FAM53A: variants seen among roughly 807,000 people sequenced by gnomAD.
FAM53A encodes the protein protein FAM53A.
FAM53A carries 28 observed loss-of-function variants against 26.6 expected under a neutral mutation model. That is an observed-to-expected ratio of 1.05 (90% confidence interval 0.78 to 1.45). FAM53A has a LOEUF of 1.45. FAM53A is among the 40% of genes most tolerant of loss of function. The pLI is 0.00. For synonymous variants in FAM53A, 290 were observed against 253.1 expected, an observed-to-expected ratio of 1.15 and a Z score of -1.38; for missense variants, 650 against 575.8, an observed-to-expected ratio of 1.13 and a Z score of -1.32.
At chr4:1,629,086 G>T (rs1715493189) in intron 1 of FAM53A, among the ~76,000 whole-genome samples, 1 of 151,964 alleles carries the variant, frequency 6.6e-6, no homozygotes, top group South Asian at 2.1e-4. Context: ...CTGCGTTGGG[G>T]GACAGCACCT....
downstream of FAM53A, among the ~76,000 whole-genome samples, chr4:1,639,551 G>A (rs934859721): frequency 2.0e-5 from 3 of 152,126 alleles, no homozygotes; most frequent in Admixed American, 6.5e-5. Context: ...TCCTGACCCC[G>A]GGCCAGCACA....
At chr4:1,588,382 G>T in the FAM53A span, among the ~76,000 whole-genome samples, 17 of 152,236 alleles carry the variant, frequency 1.1e-4, no homozygotes, top group African/African-American at 3.9e-4. Context: ...TGTGGGCTGT[G>T]CTTAGTGATC....
chr4:1,650,103 TTGAC>T (rs1372009574), intron 4 of FAM53A, among the ~76,000 whole-genome samples: 2 of 130,534 alleles, frequency 1.5e-5, no homozygotes, highest in African/African-American at 3.0e-5. Flanking sequence ...GGCGTGGCGT[TTGAC>T]TGTGAGGTGG....
chr4:1,682,184 TAACA>T (rs1715484641), intron 1 of FAM53A, among the ~76,000 whole-genome samples: 1 of 152,126 alleles, frequency 6.6e-6, no homozygotes, highest in South Asian at 2.1e-4. Context: ...AACAAATGCT[TAACA>T]GATTGTGAAA....
the FAM53A span, among the ~76,000 whole-genome samples, chr4:1,605,440 C>T: frequency 6.6e-6 from 1 of 152,182 alleles, no homozygotes; most frequent in Admixed American, 6.5e-5. The surrounding 1 kb of genome is among the most constrained non-coding windows in gnomAD (Gnocchi z 5.7). Flanking sequence ...GGACCCTGCA[C>T]CCAGCTTCCA....
intron 4 of FAM53A, among the ~76,000 whole-genome samples, chr4:1,649,867 C>T (rs888215122): frequency 1.3e-5 from 2 of 151,928 alleles, no homozygotes; most frequent in Admixed American, 6.5e-5. Context: ...TGAGGTGGCA[C>T]AGGCGTGGTG....
chr4:1,649,609 A>T (rs970063899), intron 4 of FAM53A, among the ~76,000 whole-genome samples: 1 of 152,250 alleles, frequency 6.6e-6, no homozygotes, highest in African/African-American at 2.4e-5. Flanking sequence ...TCAAGCTGCC[A>T]CATCGTGAAC....
chr4:1,646,957 A>G (rs1461450144), intron 4 of FAM53A, among the ~76,000 whole-genome samples: 1 of 152,250 alleles, frequency 6.6e-6, no homozygotes, highest in Non-Finnish European at 1.5e-5. Flanking sequence ...TGCTGGAACC[A>G]TAACTGATGT....
chr4:1,597,203 C>T, the FAM53A span, among the ~76,000 whole-genome samples: 6 of 140,286 alleles, frequency 4.3e-5, no homozygotes, highest in African/African-American at 1.4e-4. Flanking sequence ...AGCCAGACAT[C>T]GGCAGGGCCC....
intron 1 of FAM53A, among the ~76,000 whole-genome samples, chr4:1,671,810 A>G (rs542149164): frequency 1.4e-4 from 21 of 152,372 alleles, no homozygotes; most frequent in Admixed American, 1.2e-3. Flanking sequence ...GCACACACAC[A>G]ACCCTAGAAA....
chr4:1,575,287 C>T, the FAM53A span, among the ~76,000 whole-genome samples: 1 of 152,322 alleles, frequency 6.6e-6, no homozygotes, highest in South Asian at 2.1e-4. Flanking sequence ...AGGGCTCCAC[C>T]ACACCCCAAG....
upstream of FAM53A, among the ~76,000 whole-genome samples, chr4:1,684,736 G>T (rs886506294): frequency 6.6e-6 from 1 of 152,160 alleles, no homozygotes; most frequent in African/African-American, 2.4e-5. Context: ...CGCCGCCGCC[G>T]CCTTCCCGCC....
chr4:1,653,065 C>T (rs1244732226), intron 4 of FAM53A, among the ~76,000 whole-genome samples: 3 of 150,642 alleles, frequency 2.0e-5, no homozygotes, highest in Non-Finnish European at 3.0e-5. Context: ...CACCCATAGA[C>T]GTCACATACA....
intron 2 of FAM53A, 125 bp downstream of exon 2, chr4:1,668,542 C>G: frequency 9.8e-7 from 1 of 1,016,850 alleles, no homozygotes; most frequent in South Asian, 1.5e-5. Context: ...ACCCCCATCC[C>G]TGGCCCAGCA....
chr4:1,635,721 CT>C (rs764104144), downstream of FAM53A, among the ~76,000 whole-genome samples: 19 of 152,008 alleles, frequency 1.2e-4, no homozygotes, highest in Non-Finnish European at 2.1e-4. Context: ...TTGATTTCTT[CT>C]ATAACCCATG....
At chr4:1,594,198 G>A in the FAM53A span, among the ~76,000 whole-genome samples, 7 of 152,320 alleles carry the variant, frequency 4.6e-5, no homozygotes, top group South Asian at 1.4e-3. Flanking sequence ...CAGCGGCCCC[G>A]CCTCCAGCGG....
chr4:1,665,017 A>T (rs1334069199), intron 2 of FAM53A, among the ~76,000 whole-genome samples: 4 of 151,768 alleles, frequency 2.6e-5, no homozygotes. Context: ...ATAATTTTTT[A>T]AAAAATCCTG....
chr4:1,611,189 G>A, the FAM53A span, among the ~76,000 whole-genome samples: 1 of 152,218 alleles, frequency 6.6e-6, no homozygotes, highest in Non-Finnish European at 1.5e-5. Flanking sequence ...TCCCTCATTT[G>A]CAGCGACACT....
intron 1 of FAM53A, among the ~76,000 whole-genome samples, chr4:1,632,220 AG>A (rs1299136235): frequency 6.6e-6 from 1 of 151,580 alleles, no homozygotes. Context: ...AGAGGTAGTT[AG>A]GGTTAAATAA....
Sources: gnomAD v4.1 joint callset for allele counts (sites outside exome capture counted in the v4.1 genomes callset) on GRCh38, gnomAD v4.1.1 for gene constraint, Gnocchi (gnomAD v3.1) non-coding constraint, MANE v1.5 for transcripts, NCBI Gene and HGNC (gene_info 2026-07-23, HGNC 2026-07-21) for gene names.